Variants in UST observed in about 807,000 individuals in gnomAD.
The protein encoded by UST is uronyl 2-sulfotransferase.
A neutral mutation model predicts 45.6 loss-of-function variants in UST; 21 were observed. The ratio of observed to expected loss-of-function variants is 0.46; its 90% CI spans 0.33 to 0.66. The LOEUF is 0.66. UST is among the 30% of genes least tolerant of loss of function. UST has a pLI of 0.02. For missense variants in UST, 463 were observed against 512.4 expected (o/e 0.90, Z 0.93); for synonymous variants, 215 against 200.6 (o/e 1.07, Z -0.61).
intron 5 of UST, among the ~76,000 whole-genome samples, chr6:149,007,105 T>C (rs1775728548): frequency 6.9e-6 from 1 of 145,982 alleles, no homozygotes. Context: ...AAGACGTCAT[T>C]CCAGGCAAGC....
chr6:149,063,976 G>C (rs925258013), intron 7 of UST, among the ~76,000 whole-genome samples: 2 of 152,124 alleles, frequency 1.3e-5, no homozygotes, highest in African/African-American at 4.8e-5. Context: ...AACACACACA[G>C]AATCTATACT....
At chr6:148,915,027 A>C (rs893415636) in intron 2 of UST, among the ~76,000 whole-genome samples, 1 of 152,046 alleles carries the variant, frequency 6.6e-6, no homozygotes, top group African/African-American at 2.4e-5. Context: ...GCCTTCTCAC[A>C]TGGTGGAGGG....
chr6:148,948,776 T>C (rs867460203), intron 3 of UST, among the ~76,000 whole-genome samples: 1 of 152,172 alleles, frequency 6.6e-6, no homozygotes, highest in Non-Finnish European at 1.5e-5. Context: ...CTCCAGACTT[T>C]TGTGCTAACC....
chr6:148,756,850 T>G (rs7754083), intron 1 of UST, among the ~76,000 whole-genome samples: 21,347 of 152,258 alleles, frequency 0.14, 1,723 homozygotes, highest in African/African-American at 0.22. Flanking sequence ...TGTTCTTCAC[T>G]AGGATTCCAA....
At chr6:148,900,406 T>C (rs1424285901) in intron 2 of UST, among the ~76,000 whole-genome samples, 1 of 152,212 alleles carries the variant, frequency 6.6e-6, no homozygotes, top group African/African-American at 2.4e-5. Context: ...AATTGAATCA[T>C]GAGGGTAGGT....
intron 7 of UST, among the ~76,000 whole-genome samples, chr6:149,025,157 C>T (rs566857615): frequency 6.6e-6 from 1 of 152,198 alleles, no homozygotes; most frequent in Non-Finnish European, 1.5e-5. Context: ...CAAATCAATA[C>T]TACCTGTCCC....
chr6:149,022,342 A>G (rs1173776947), intron 7 of UST, among the ~76,000 whole-genome samples: 2 of 152,132 alleles, frequency 1.3e-5, no homozygotes, highest in Non-Finnish European at 2.9e-5. Flanking sequence ...GCTCATGCCT[A>G]TAATCCCAGC....
At chr6:148,838,315 T>A (rs1325272092) in intron 1 of UST, among the ~76,000 whole-genome samples, 2 of 152,066 alleles carry the variant, frequency 1.3e-5, no homozygotes, top group Non-Finnish European at 2.9e-5. Context: ...CAGGTGATGG[T>A]GAGTGTGGGG....
intron 2 of UST, among the ~76,000 whole-genome samples, chr6:148,902,559 A>C (rs1779281384): frequency 6.6e-6 from 1 of 151,880 alleles, no homozygotes; most frequent in Admixed American, 6.6e-5. Context: ...TACATTTTTT[A>C]ATGAATTTTG....
intron 2 of UST, among the ~76,000 whole-genome samples, chr6:148,892,538 A>G (rs759773905): frequency 6.6e-6 from 1 of 152,188 alleles, no homozygotes; most frequent in African/African-American, 2.4e-5. Flanking sequence ...TATGGTAGCT[A>G]TTAGCCTCAG....
chr6:148,793,376 A>C (rs1776887911), intron 1 of UST, among the ~76,000 whole-genome samples: 1 of 152,218 alleles, frequency 6.6e-6, no homozygotes, highest in African/African-American at 2.4e-5. Context: ...TCACAAAGTG[A>C]GTTCACCTAT....
intron 5 of UST, among the ~76,000 whole-genome samples, chr6:148,972,042 A>C (rs930211493): frequency 6.6e-6 from 1 of 152,224 alleles, no homozygotes; most frequent in African/African-American, 2.4e-5. Flanking sequence ...GGGAGCAATT[A>C]CAAAGACATT....
In UST at chr6:148,849,472, A is replaced by C. The variant is rs537382217; in HGVS notation, c.248-37514A>C. Among the ~76,000 whole-genome samples, 6 of 152,298 alleles carry C rather than the reference A, an allele frequency of 3.9e-5. No homozygotes were observed. The East Asian group carries it at 1.2e-3, about 29-fold the overall frequency. On this transcript the variant is annotated intron_variant, in intron 1 of 7. Coordinates refer to ENST00000367463, the MANE Select transcript of UST (RefSeq NM_005715.3). ...TTATTCCGGGCAGTTTACCTTGAGA[A>C]AAAAATGCCTCTTTTGATGGATGCT...
intron 7 of UST, among the ~76,000 whole-genome samples, chr6:149,057,716 A>G (rs1562342214): frequency 2.6e-5 from 4 of 152,246 alleles, no homozygotes; most frequent in Non-Finnish European, 5.9e-5. Context: ...AATTGGTAAT[A>G]ATTAAAGATA....
chr6:149,070,072 A>G (rs1256231178), intron 7 of UST, among the ~76,000 whole-genome samples: 1 of 152,048 alleles, frequency 6.6e-6, no homozygotes, highest in Non-Finnish European at 1.5e-5. Flanking sequence ...AGGTTGGGCC[A>G]AATAATTTAA....
chr6:148,822,603 GT>G (rs1341884501), intron 1 of UST, among the ~76,000 whole-genome samples: 1 of 152,186 alleles, frequency 6.6e-6, no homozygotes, highest in African/African-American at 2.4e-5. Context: ...CTCAAGGCAG[GT>G]TTTTGACTTC....
chr6:149,002,902 A>G (rs1781579738), intron 5 of UST, among the ~76,000 whole-genome samples: 1 of 152,246 alleles, frequency 6.6e-6, no homozygotes, highest in African/African-American at 2.4e-5. Flanking sequence ...AAGTATTAGC[A>G]TAGTTACATA....
intron 1 of UST, among the ~76,000 whole-genome samples, chr6:148,779,230 G>C (rs1198526362): frequency 6.6e-6 from 1 of 151,772 alleles, no homozygotes; most frequent in Non-Finnish European, 1.5e-5. Context: ...TCCTTTTCAA[G>C]TGTGGATTTC....
chr6:148,778,885 A>T (rs897313519), intron 1 of UST, among the ~76,000 whole-genome samples: 5 of 151,988 alleles, frequency 3.3e-5, no homozygotes, highest in Admixed American at 6.5e-5. Flanking sequence ...CCTCCATCCC[A>T]TCCGGAATCC....
Sources: allele counts gnomAD v4.1 joint callset (sites outside exome capture counted in the v4.1 genomes callset), GRCh38; gene constraint gnomAD v4.1.1; transcripts MANE v1.5; gene names NCBI Gene and HGNC (gene_info 2026-07-23, HGNC 2026-07-21).